The following ZFAND3 variants were observed in gnomAD, a reference collection of about 807,000 sequenced individuals.
ZFAND3 encodes the protein AN1-type zinc finger protein 3.
In ZFAND3, 10 loss-of-function variants were observed where a neutral mutation model predicts 29.6. The ratio of observed to expected loss-of-function variants is 0.34; its 90% confidence interval spans 0.21 to 0.57. The LOEUF (loss-of-function observed/expected upper bound fraction) is 0.57. ZFAND3 is among the 20% of genes least tolerant of loss of function. The pLI, the probability that ZFAND3 is intolerant of heterozygous loss-of-function variation, is 0.86. For synonymous variants in ZFAND3, 128 were observed against 112.6 expected, an observed-to-expected ratio of 1.14 and a Z score of -0.87; for missense variants, 230 against 304.5, an observed-to-expected ratio of 0.76 and a Z score of 1.82.
chr6:37,861,504 G>T (rs1764490352), intron 1 of ZFAND3, among the ~76,000 whole-genome samples: 1 of 152,010 alleles, frequency 6.6e-6, no homozygotes, highest in Admixed American at 6.6e-5. Context: ...AGTGAAAAAA[G>T]AACTGTTTCA....
At chr6:38,126,796 GTCTC>G (rs1387664470) in intron 5 of ZFAND3, among the ~76,000 whole-genome samples, 2 of 151,152 alleles carry the variant, frequency 1.3e-5, no homozygotes, top group Admixed American at 1.3e-4. Flanking sequence ...AATATGATAT[GTCTC>G]TCTATTTAGG....
chr6:37,956,288 T>C (rs1380438914), intron 2 of ZFAND3, among the ~76,000 whole-genome samples: 2 of 152,190 alleles, frequency 1.3e-5, no homozygotes, highest in Admixed American at 1.3e-4. Flanking sequence ...AGTTTCTGAT[T>C]TAGGAGGCAT....
intron 1 of ZFAND3, among the ~76,000 whole-genome samples, chr6:37,849,020 C>CT (rs1428908120): frequency 1.3e-5 from 2 of 152,112 alleles, no homozygotes; most frequent in African/African-American, 2.4e-5. Context: ...AAAATCAACT[C>CT]TAAGATTTGA....
intron 2 of ZFAND3, among the ~76,000 whole-genome samples, chr6:38,012,866 G>C (rs1447319886): frequency 6.6e-6 from 1 of 152,118 alleles, no homozygotes; most frequent in Non-Finnish European, 1.5e-5. Flanking sequence ...GAGGGGGAAT[G>C]GCTGAGGGGC....
intron 3 of ZFAND3, among the ~76,000 whole-genome samples, chr6:38,072,375 G>A (rs1019090822): frequency 2.0e-5 from 3 of 152,126 alleles, no homozygotes; most frequent in African/African-American, 7.2e-5. Context: ...AGTCACTTGT[G>A]AGATTATACA....
intron 2 of ZFAND3, among the ~76,000 whole-genome samples, chr6:37,933,185 A>C (rs913380926): frequency 1.3e-5 from 2 of 152,278 alleles, no homozygotes; most frequent in Non-Finnish European, 2.9e-5. Flanking sequence ...GTGTACTTTA[A>C]AAGATGGAAA....
At chr6:37,896,387 C>G (rs1765203441) in intron 1 of ZFAND3, among the ~76,000 whole-genome samples, 1 of 151,894 alleles carries the variant, frequency 6.6e-6, no homozygotes, top group African/African-American at 2.4e-5. Context: ...CCTTGGACTC[C>G]CATGAAAAAA....
chr6:38,074,384 T>G (rs1764513603), intron 3 of ZFAND3, among the ~76,000 whole-genome samples: 1 of 152,216 alleles, frequency 6.6e-6, no homozygotes, highest in Admixed American at 6.5e-5. Context: ...TTTGTCAAGT[T>G]ATAATTTCAT....
chr6:37,966,674 C>T (rs1762298889), intron 2 of ZFAND3, among the ~76,000 whole-genome samples: 1 of 152,050 alleles, frequency 6.6e-6, no homozygotes, highest in Admixed American at 6.6e-5. Context: ...TCTATCACTC[C>T]CAAATACTTT....
At chr6:38,120,491 A>G (rs118064384) in intron 5 of ZFAND3, among the ~76,000 whole-genome samples, 1 of 151,540 alleles carries the variant, frequency 6.6e-6, no homozygotes, top group African/African-American at 2.4e-5. Context: ...ACGCCTGGCT[A>G]ATTTTTTGTA....
intron 4 of ZFAND3, among the ~76,000 whole-genome samples, chr6:38,089,129 A>T (rs569147636): frequency 0.032 from 4,903 of 151,020 alleles, 210 homozygotes; most frequent in African/African-American, 0.095. Flanking sequence ...TTCTTTTTTT[A>T]TTTGAGATAG....
chr6:37,905,515 A>T (rs1402462672), intron 1 of ZFAND3, among the ~76,000 whole-genome samples: 2 of 152,158 alleles, frequency 1.3e-5, no homozygotes, highest in African/African-American at 2.4e-5. Flanking sequence ...AGGGAAAGAA[A>T]TGCTAACATG....
intron 2 of ZFAND3, among the ~76,000 whole-genome samples, chr6:38,008,982 C>T (rs1418228778): frequency 6.6e-6 from 1 of 152,114 alleles, no homozygotes; most frequent in Non-Finnish European, 1.5e-5. Flanking sequence ...TCAAAGTTTG[C>T]TTGTGAGCAT....
intron 4 of ZFAND3, among the ~76,000 whole-genome samples, chr6:38,098,738 G>A (rs527357098): frequency 1.6e-4 from 25 of 151,954 alleles, no homozygotes; most frequent in African/African-American, 2.7e-4. Flanking sequence ...TCCTGACATC[G>A]TGATCCGCCT....
intron 1 of ZFAND3, among the ~76,000 whole-genome samples, chr6:37,914,570 C>T (rs1761197967): frequency 6.6e-6 from 1 of 152,108 alleles, no homozygotes; most frequent in Admixed American, 6.5e-5. Flanking sequence ...AAATCCTGGC[C>T]TCAAGTGATC....
chr6:37,888,043 A>G (rs1009629804), intron 1 of ZFAND3, among the ~76,000 whole-genome samples: 2 of 152,232 alleles, frequency 1.3e-5, no homozygotes, highest in Admixed American at 1.3e-4. Flanking sequence ...CTAAGTAGAA[A>G]AAACAAAACA....
chr6:37,926,673 C>T (rs1190914927), intron 1 of ZFAND3, among the ~76,000 whole-genome samples: 1 of 152,152 alleles, frequency 6.6e-6, no homozygotes, highest in East Asian at 1.9e-4. Flanking sequence ...CATTATTCAA[C>T]CTACTACCCC....
Position 38,090,772 on chromosome 6 carries a change from G to A in ZFAND3, c.361+8315G>A, listed in dbSNP as rs1197055518. Among the ~76,000 whole-genome samples the A allele has an allele frequency of 3.3e-5, 5 of 151,968 alleles. No homozygotes were observed. The East Asian group carries it at 9.6e-4, about 29-fold the overall frequency. On this transcript the variant is annotated intron_variant, in intron 4 of 5. Coordinates refer to ENST00000287218, the MANE Select transcript of ZFAND3 (RefSeq NM_021943.3). ...GTTGAAGAATAGAATGAAGGAGTGA[G>A]GTAAAATATACTAATAATTAGATGA...
intron 2 of ZFAND3, among the ~76,000 whole-genome samples, chr6:38,032,252 A>G (rs1392213557): frequency 2.6e-5 from 4 of 152,324 alleles, no homozygotes; most frequent in African/African-American, 9.6e-5. Flanking sequence ...TTTATATTTT[A>G]TAGCAAAGAT....
Sources: allele counts gnomAD v4.1 joint callset (sites outside exome capture counted in the v4.1 genomes callset), GRCh38; gene constraint gnomAD v4.1.1; transcripts MANE v1.5; gene names NCBI Gene and HGNC (gene_info 2026-07-23, HGNC 2026-07-21).